NME7: variants seen among roughly 807,000 people sequenced by gnomAD.
The protein encoded by NME7 is NME/NM23 family member 7, also known as nucleoside diphosphate kinase 7.
In NME7, 41 loss-of-function variants were observed where a neutral mutation model predicts 49.1. The ratio of observed to expected loss-of-function variants is 0.83; its 90% CI spans 0.65 to 1.08. NME7 has a LOEUF of 1.08. NME7 is among the 50% of genes least tolerant of loss of function. The pLI is 0.00. For synonymous variants in NME7, 139 were observed against 150.6 expected, an observed-to-expected ratio of 0.92 and a Z score of 0.56; for missense variants, 423 against 463.4, an observed-to-expected ratio of 0.91 and a Z score of 0.80.
chr1:169,161,065 A>G (rs967623164), intron 11 of NME7, among the ~76,000 whole-genome samples: 1 of 152,142 alleles, frequency 6.6e-6, no homozygotes, highest in Non-Finnish European at 1.5e-5. Flanking sequence ...AGCCAGAGTG[A>G]CCTCTATAAC....
intron 4 of NME7, among the ~76,000 whole-genome samples, chr1:169,304,254 C>G (rs1412850599): frequency 6.6e-6 from 1 of 152,170 alleles, no homozygotes; most frequent in Admixed American, 6.5e-5. Context: ...CCAGATGACT[C>G]TCCTAACACT....
chr1:169,195,871 T>C (rs1251601972), intron 10 of NME7, among the ~76,000 whole-genome samples: 1 of 149,436 alleles, frequency 6.7e-6, no homozygotes, highest in Non-Finnish European at 1.5e-5. Flanking sequence ...ATAAGTGTGT[T>C]CAATAGTAAA....
At chr1:169,342,485 G>GTATATATA (rs71121764) in intron 1 of NME7, among the ~76,000 whole-genome samples, 2 of 128,616 alleles carry the variant, frequency 1.6e-5, no homozygotes, top group East Asian at 2.6e-4. Context: ...ACTTGTATTA[G>GTATATATA]TATATATATA....
At chr1:169,279,942 C>T (rs1031311130) in intron 7 of NME7, among the ~76,000 whole-genome samples, 1 of 152,204 alleles carries the variant, frequency 6.6e-6, no homozygotes, top group African/African-American at 2.4e-5. Flanking sequence ...TCTGTCTTTA[C>T]AGCAGAATGA....
chr1:169,303,091 G>T, intron 5 of NME7, 54 bp downstream of exon 5: 1 of 1,217,000 alleles, frequency 8.2e-7, no homozygotes, highest in Non-Finnish European at 1.2e-6. Context: ...TAACTCCATA[G>T]TTTTCTAGGA....
chr1:169,327,573 T>C (rs1414420082), intron 1 of NME7, among the ~76,000 whole-genome samples: 3 of 152,196 alleles, frequency 2.0e-5, no homozygotes, highest in Non-Finnish European at 2.9e-5. Flanking sequence ...CAGAGAGAAC[T>C]TTCCTAGAGC....
rs1366138189 is a variant in NME7 at position 169,275,964 on chromosome 1, T to C, written c.754+11339A>G. ...ATAATCATGTGGTTTTTGTCTTTGG[T>C]TCTGTTTATATGCTGGATTACATTT... On this transcript the variant is annotated intron_variant, in intron 7 of 11. Transcript: ENST00000367811. Among the ~76,000 whole-genome samples, 35 of 133,878 alleles carry C rather than the reference T, an allele frequency of 2.6e-4. 11 individuals are homozygous for C. The highest frequency in any genetic ancestry group is 4.0e-4 in the Non-Finnish European group (23 of 56,862). 87.8% of individuals were successfully genotyped at this position (133,878 alleles called of 152,430 possible).
intron 4 of NME7, among the ~76,000 whole-genome samples, chr1:169,306,929 G>C (rs962847556): frequency 6.6e-6 from 1 of 152,290 alleles, no homozygotes; most frequent in Non-Finnish European, 1.5e-5. Flanking sequence ...AAAGCAAATA[G>C]AGCAGAGCCC....
intron 11 of NME7, among the ~76,000 whole-genome samples, chr1:169,159,686 A>T (rs370213422): frequency 1.3e-5 from 2 of 152,278 alleles, no homozygotes; most frequent in East Asian, 3.9e-4. Flanking sequence ...CCCTAAGGGC[A>T]TCAATTCCTT....
chr1:169,144,079 T>C (rs1658684777), intron 11 of NME7, among the ~76,000 whole-genome samples: 2 of 152,268 alleles, frequency 1.3e-5, no homozygotes, highest in South Asian at 2.1e-4. Context: ...TCCATGCTCA[T>C]CTGCAATTCT....
intron 7 of NME7, 127 bp downstream of exon 7, chr1:169,287,176 G>C: frequency 1.3e-6 from 1 of 758,754 alleles, no homozygotes; most frequent in East Asian, 2.7e-5. Flanking sequence ...CTTTACTCAA[G>C]TGCCTTCAAA....
intron 1 of NME7, among the ~76,000 whole-genome samples, chr1:169,331,951 T>C (rs1016190685): frequency 1.3e-4 from 20 of 151,856 alleles, no homozygotes; most frequent in Non-Finnish European, 1.0e-4. Context: ...CTTCAAAGAA[T>C]AGAAATAGAA....
intron 10 of NME7, among the ~76,000 whole-genome samples, chr1:169,176,459 CT>C (rs1457945535): frequency 7.2e-5 from 11 of 152,108 alleles, no homozygotes; most frequent in African/African-American, 2.4e-4. Context: ...CTCTGACAGG[CT>C]TCACATCTCA....
Position 169,237,625 on chromosome 1 carries a change from T to C in NME7, c.817A>G (p.Met273Val), listed in dbSNP as rs780847213. 10 of 1,607,508 alleles carry C rather than the reference T, an allele frequency of 6.2e-6. No homozygotes were observed. The African/African-American group carries it at 9.4e-5, about 15-fold the overall frequency. Residue 273 changes from methionine (M) to valine (V), a missense_variant and splice_region_variant, in exon 8 of 12, where the codon ATG (methionine) becomes GTG (valine). Met to Val is a conservative substitution (Grantham distance 21). Transcript: ENST00000367811. ...DAGFEISAMQ[M>V]FNMDRVNVEE... ...ATGGTTCATTGTAAACTACCTACCA[T>C]CTGCATAGCTGAGATTTCAAAACCT... is the stretch of plus-strand genomic sequence containing the variant.
intron 10 of NME7, among the ~76,000 whole-genome samples, chr1:169,228,858 C>A (rs913393618): frequency 6.6e-6 from 1 of 152,134 alleles, no homozygotes; most frequent in Non-Finnish European, 1.5e-5. Flanking sequence ...TTACCAATTT[C>A]TCTCAATGGC....
intron 7 of NME7, among the ~76,000 whole-genome samples, chr1:169,268,696 C>T (rs537114398): frequency 3.8e-5 from 5 of 133,046 alleles, no homozygotes; most frequent in East Asian, 4.0e-4. Flanking sequence ...GAACAGAAAA[C>T]CAAATACCAC....
chr1:169,241,251 C>A (rs1269664684), intron 7 of NME7, among the ~76,000 whole-genome samples: 2 of 151,576 alleles, frequency 1.3e-5, no homozygotes, highest in African/African-American at 4.8e-5. Context: ...TTTTTTTTCC[C>A]CCTGCAGATG....
intron 1 of NME7, among the ~76,000 whole-genome samples, chr1:169,332,790 A>C (rs1037627889): frequency 6.6e-6 from 1 of 152,214 alleles, no homozygotes; most frequent in Non-Finnish European, 1.5e-5. Context: ...ATCCCAGTTA[A>C]AATGGCTCTT....
chr1:169,321,337 G>T (rs1047086478), intron 3 of NME7, among the ~76,000 whole-genome samples: 4 of 152,104 alleles, frequency 2.6e-5, no homozygotes, highest in Admixed American at 1.3e-4. Flanking sequence ...TTCAGCCTGG[G>T]TGACAGAGCC....
Sources: allele counts gnomAD v4.1 joint callset (sites outside exome capture counted in the v4.1 genomes callset), GRCh38; gene constraint gnomAD v4.1.1; transcripts MANE v1.5; gene names NCBI Gene and HGNC (gene_info 2026-07-23, HGNC 2026-07-21).